The following TTC23 variants were observed in gnomAD, a reference collection of about 807,000 sequenced individuals.
The protein encoded by TTC23 is tetratricopeptide repeat protein 23.
In TTC23, 58 loss-of-function variants were observed where a neutral mutation model predicts 55.1. That is an observed-to-expected ratio of 1.05 (90% CI 0.85 to 1.31). The LOEUF (loss-of-function observed/expected upper bound fraction) is 1.31, where lower values mean the gene tolerates loss of function less well. TTC23 is among the 50% of genes most tolerant of loss of function. TTC23 has a pLI of 0.00. For missense variants in TTC23, 516 were observed against 534.4 expected, an observed-to-expected ratio of 0.97 and a Z score of 0.34; for synonymous variants, 203 against 199.9, an observed-to-expected ratio of 1.02 and a Z score of -0.13.
chr15:99,145,090 A>G (rs935059600), intron 12 of TTC23: 1 of 152,268 alleles, frequency 6.6e-6, no homozygotes, highest in African/African-American at 2.4e-5. Flanking sequence ...AACGTAATTC[A>G]TCAGACAGGC....
At chr15:99,198,917 ACTTT>A (rs2075968824) in intron 9 of TTC23, among the ~76,000 whole-genome samples, 1 of 152,150 alleles carries the variant, frequency 6.6e-6, no homozygotes, top group Non-Finnish European at 1.5e-5. Context: ...TATCAGAAAA[ACTTT>A]CTTAAAAGTG....
At chr15:99,237,028 T>C (rs1386433566) in intron 3 of TTC23, among the ~76,000 whole-genome samples, 1 of 150,740 alleles carries the variant, frequency 6.6e-6, no homozygotes, top group East Asian at 1.9e-4. Context: ...ATTGCTCAGG[T>C]TGGAGTACAA....
chr15:99,228,109 G>A (rs970014248), intron 5 of TTC23, among the ~76,000 whole-genome samples: 1 of 152,200 alleles, frequency 6.6e-6, no homozygotes, highest in South Asian at 2.1e-4. Context: ...TATGATGACT[G>A]GATGAAGAGG....
chr15:99,244,150 A>G (rs531265298), intron 2 of TTC23, among the ~76,000 whole-genome samples: 1 of 152,248 alleles, frequency 6.6e-6, no homozygotes, highest in South Asian at 2.1e-4. Context: ...AAACAAAACC[A>G]AAAAATCCTG....
intron 9 of TTC23, among the ~76,000 whole-genome samples, chr15:99,191,415 G>A (rs548925289): frequency 3.3e-5 from 5 of 152,308 alleles, no homozygotes; most frequent in South Asian, 2.1e-4. Context: ...TTTGTCAGGA[G>A]AAATGGTCCT....
At chr15:99,234,453 C>G (rs1305891809) in intron 4 of TTC23, among the ~76,000 whole-genome samples, 1 of 152,206 alleles carries the variant, frequency 6.6e-6, no homozygotes, top group African/African-American at 2.4e-5. Flanking sequence ...TCCCTGCAAG[C>G]TCCACCTCCT....
At chr15:99,195,135 T>C (rs2075591295) in intron 9 of TTC23, among the ~76,000 whole-genome samples, 6 of 152,062 alleles carry the variant, frequency 3.9e-5, no homozygotes, top group Admixed American at 3.9e-4. Flanking sequence ...GTCAAGAGAA[T>C]TAAAAGAAAA....
At chr15:99,245,860 A>G (rs528545832) in intron 1 of TTC23, among the ~76,000 whole-genome samples, 2 of 147,814 alleles carry the variant, frequency 1.4e-5, no homozygotes, top group East Asian at 2.0e-4. Flanking sequence ...GCTGGAGTGC[A>G]GTGGCGTGAT....
intron 8 of TTC23, among the ~76,000 whole-genome samples, chr15:99,205,974 G>T (rs1258248191): frequency 6.6e-6 from 1 of 152,070 alleles, no homozygotes; most frequent in Admixed American, 6.5e-5. Flanking sequence ...TTACATTGTG[G>T]TATGTTCCTT....
chr15:99,244,143 C>G (rs1295758056), intron 2 of TTC23, among the ~76,000 whole-genome samples: 2 of 151,964 alleles, frequency 1.3e-5, no homozygotes, highest in African/African-American at 4.8e-5. Flanking sequence ...AATTAAAAAA[C>G]AAAACCAAAA....
At chr15:99,148,360 C>CAAAAAAAAAAA (rs57733522) in intron 12 of TTC23, among the ~76,000 whole-genome samples, 309 of 30,410 alleles carry the variant, frequency 0.01, 82 homozygotes, top group East Asian at 0.046. Context: ...GACTCTGTAC[C>CAAAAAAAAAAA]AAAAAAAAAA....
At position 99,244,647 on chromosome 15, in the gene TTC23, T is replaced by C. The variant is rs1400246522; in HGVS notation, c.-309+742A>G. ...TATCGAAAGAAATTAAAGATCTAAA[T>C]ACATGGACATTCCATGTTCATAGAT... On this transcript the variant is annotated intron_variant, in intron 2 of 13. Transcript: ENST00000394132. Among the ~76,000 whole-genome samples, 3 of 152,156 alleles carry C rather than the reference T, an allele frequency of 2.0e-5. No homozygotes were observed. In the East Asian group the frequency reaches 5.8e-4, roughly 29 times the overall value.
At chr15:99,147,380 C>T (rs972963839) in intron 12 of TTC23, among the ~76,000 whole-genome samples, 4 of 152,058 alleles carry the variant, frequency 2.6e-5, no homozygotes, top group Admixed American at 6.6e-5. Flanking sequence ...CGCCCGCCAC[C>T]ACACCCGGCT....
intron 9 of TTC23, among the ~76,000 whole-genome samples, chr15:99,189,190 G>A (rs1038630291): frequency 6.6e-6 from 1 of 152,054 alleles, no homozygotes; most frequent in Non-Finnish European, 1.5e-5. Context: ...ATAGTATGAA[G>A]GTTTCCAGAT....
chr15:99,139,329 C>A lies in TTC23; in HGVS notation c.1214G>T (p.Gly405Val). The change falls in exon 13 of 14, where the codon GGC becomes GTC. Residue 405 changes from glycine (G) to valine (V), a missense_variant. By Grantham distance (109) the Gly-to-Val change is moderately radical. Coordinates refer to ENST00000394132, the MANE Select transcript of TTC23 (RefSeq NM_001288615.3). ...GACGCCAACTCACGTGGACAGCATG[C>A]CCATGGCCTGCTGGGTGGCCAGAGT... ...KRTLATQQAM[G>V]MLSTAPKVAS... is the part of the protein sequence containing the mutation. 6.2e-7 allele frequency: 1 copy of A among 1,613,130 alleles called. No individual in the cohort carries two copies. Among genetic ancestry groups the A allele is most frequent in the South Asian group, 1.1e-5 (1 of 91,072 alleles).
intron 8 of TTC23, among the ~76,000 whole-genome samples, chr15:99,207,488 G>A (rs1322431170): frequency 1.3e-5 from 2 of 152,202 alleles, no homozygotes; most frequent in East Asian, 3.9e-4. Flanking sequence ...GCCAGGTGCG[G>A]TAGCTCATGC....
intron 9 of TTC23, among the ~76,000 whole-genome samples, chr15:99,187,469 C>CCAA (rs1596496232): frequency 9.0e-6 from 1 of 110,646 alleles, no homozygotes; most frequent in Non-Finnish European, 1.8e-5. Flanking sequence ...AAAAAAAAAA[C>CCAA]AAAACAAAAG....
chr15:99,217,163 C>CTT lies in TTC23; in HGVS notation c.581+1423_581+1424dup, dbSNP rs5814928. Among the ~76,000 whole-genome samples the CTT allele has an allele frequency of 4.5e-4, 66 of 147,856 alleles. 1 individual carries two copies. Among genetic ancestry groups the CTT allele is most frequent in the South Asian group, 8.5e-4 (4 of 4,680 alleles). ...TATACAAATTTTCTTTTTTTCTCTT[C>CTT]TTTTTTTTTTTGAGACAGAGTCTCA... On this transcript the variant is annotated intron_variant, in intron 8 of 13. Coordinates refer to ENST00000394132, the MANE Select transcript of TTC23 (RefSeq NM_001288615.3).
chr15:99,220,548 G>C (rs928950509), intron 6 of TTC23, among the ~76,000 whole-genome samples: 1 of 152,158 alleles, frequency 6.6e-6, no homozygotes, highest in African/African-American at 2.4e-5. Context: ...AAATGGGGTG[G>C]GAGGGCAGAG....
Sources: gnomAD v4.1 joint callset for allele counts (sites outside exome capture counted in the v4.1 genomes callset) on GRCh38, gnomAD v4.1.1 for gene constraint, MANE v1.5 for transcripts, NCBI Gene and HGNC (gene_info 2026-07-23, HGNC 2026-07-21) for gene names.